FBXL20: variants seen among roughly 807,000 people sequenced by gnomAD.
FBXL20 encodes the protein F-box/LRR-repeat protein 20.
FBXL20 carries 11 observed loss-of-function variants against 64.0 expected under a neutral mutation model. The ratio of observed to expected loss-of-function variants is 0.17; its 90% confidence interval spans 0.11 to 0.28. FBXL20 has a LOEUF of 0.28. Ranked by LOEUF, FBXL20 falls within the 10% of genes least tolerant of loss-of-function variation. FBXL20 has a pLI of 1.00. For missense variants in FBXL20, 303 were observed against 526.2 expected (o/e 0.58, Z 4.15); for synonymous variants, 184 against 189.0 (o/e 0.97, Z 0.22).
At chr17:39,285,617 G>T in intron 6 of FBXL20, 44 bp from the exon 7 acceptor site, 1 of 1,292,292 alleles carries the variant, frequency 7.7e-7, no homozygotes, top group Non-Finnish European at 1.1e-6. Flanking sequence ...AACAAGACAA[G>T]TACACATCCT....
rs143548522 is a variant in FBXL20, at chr17:39,300,826, A to C, written c.234+175T>G. Among the ~76,000 whole-genome samples, 150 of 152,332 alleles carry C rather than the reference A, an allele frequency of 9.8e-4. 1 individual carries two copies. Among genetic ancestry groups the C allele is most frequent in the African/African-American group, 3.4e-3 (142 of 41,570 alleles). Reference sequence around the variant, plus strand: ...TTATTTCAGTGAAATAATCTGGCTCATTCTCAAAAACTGCAGAAACCCTTG... The same window carrying C: ...TTATTTCAGTGAAATAATCTGGCTCCTTCTCAAAAACTGCAGAAACCCTTG... On this transcript the variant is annotated intron_variant, in intron 4 of 14. Transcript: ENST00000264658.
At chr17:39,336,242 C>G (rs1458971466) in intron 2 of FBXL20, among the ~76,000 whole-genome samples, 1 of 152,146 alleles carries the variant, frequency 6.6e-6, no homozygotes, top group African/African-American at 2.4e-5. Flanking sequence ...CCTAACAACA[C>G]AATTGTTTTT....
At chr17:39,386,922 C>CA (rs2048086900) in intron 1 of FBXL20, among the ~76,000 whole-genome samples, 1 of 152,136 alleles carries the variant, frequency 6.6e-6, no homozygotes, top group Admixed American at 6.6e-5. Flanking sequence ...TAATACTGAC[C>CA]AAACATCAGC....
At chr17:39,380,112 G>T (rs925648529) in intron 1 of FBXL20, among the ~76,000 whole-genome samples, 1 of 151,986 alleles carries the variant, frequency 6.6e-6, no homozygotes, top group Admixed American at 6.6e-5. Context: ...CTCATTTATT[G>T]CAAGAGCTAA....
intron 1 of FBXL20, among the ~76,000 whole-genome samples, chr17:39,377,511 T>C (rs1404387096): frequency 1.3e-5 from 2 of 151,450 alleles, no homozygotes; most frequent in African/African-American, 4.9e-5. Context: ...TTGTTGTTTT[T>C]TTTTTTTGAG....
chr17:39,336,050 A>T (rs1256693985), intron 2 of FBXL20, among the ~76,000 whole-genome samples: 1 of 148,744 alleles, frequency 6.7e-6, no homozygotes. Context: ...TAGGCCCAGG[A>T]GTTTGGGACT....
At chr17:39,375,843 G>C (rs1418342760) in intron 1 of FBXL20, among the ~76,000 whole-genome samples, 1 of 152,158 alleles carries the variant, frequency 6.6e-6, no homozygotes, top group Non-Finnish European at 1.5e-5. Flanking sequence ...TCCGTGGCTG[G>C]GCGTGGTGGC....
At chr17:39,344,789 CAATAAA>C (rs961025349) in intron 1 of FBXL20, among the ~76,000 whole-genome samples, 28 of 152,034 alleles carry the variant, frequency 1.8e-4, no homozygotes, top group African/African-American at 6.8e-4. Flanking sequence ...TACTCTATCT[CAATAAA>C]AATAAAAATT....
intron 5 of FBXL20, 32 bp downstream of exon 5, chr17:39,298,958 T>C (rs2047110520): frequency 6.4e-7 from 1 of 1,553,170 alleles, no homozygotes; most frequent in East Asian, 2.2e-5. Flanking sequence ...TTCACTTCCA[T>C]CAAGAAGATT....
At chr17:39,283,155 G>T (rs191527282) in intron 7 of FBXL20, among the ~76,000 whole-genome samples, 137 of 152,178 alleles carry the variant, frequency 9.0e-4, no homozygotes, top group African/African-American at 3.1e-3. Flanking sequence ...GACAAAAAAT[G>T]GAAATTAAGT....
intron 3 of FBXL20, 66 bp from the exon 4 acceptor site, chr17:39,301,141 C>CA: frequency 6.9e-7 from 1 of 1,455,988 alleles, no homozygotes; most frequent in Non-Finnish European, 9.5e-7. Context: ...CAGCAATATT[C>CA]AAGTTCACAA....
At chr17:39,301,133 G>C in intron 3 of FBXL20, 58 bp from the exon 4 acceptor site, 1 of 1,509,810 alleles carries the variant, frequency 6.6e-7, no homozygotes, top group Non-Finnish European at 9.1e-7. Flanking sequence ...GGAAAAGGCA[G>C]CAATATTCAA....
intron 1 of FBXL20, among the ~76,000 whole-genome samples, chr17:39,358,949 G>A (rs2047767856): frequency 6.6e-6 from 1 of 152,152 alleles, no homozygotes. Flanking sequence ...ATAAGCACAT[G>A]AAAAGATGCT....
chr17:39,253,727 A>C lies in FBXL20; in HGVS notation c.*7733T>G, dbSNP rs2046670497. On this transcript the variant is annotated 3_prime_UTR_variant, in exon 15 of 15. Transcript: ENST00000264658. ...AACAGTCATCAGAGAAGCACAGATA[A>C]ATTATTCTTAAGGGCAGGAAAAAAC... 2 of 152,348 alleles carry C rather than the reference A, an allele frequency of 1.3e-5. No homozygotes were observed. The highest frequency in any genetic ancestry group is 4.8e-5 in the African/African-American group (2 of 41,462). The allele number at this position is 152,348 out of a possible 1,614,324, so 9.4% of individuals were successfully genotyped here.
intron 4 of FBXL20, 39 bp downstream of exon 4, chr17:39,300,962 C>T: frequency 1.3e-6 from 2 of 1,574,848 alleles, no homozygotes; most frequent in African/African-American, 2.7e-5. Context: ...GCTGTAATTA[C>T]TAACATGAAA....
chr17:39,325,484 T>G (rs997430060), intron 2 of FBXL20, among the ~76,000 whole-genome samples: 1 of 152,084 alleles, frequency 6.6e-6, no homozygotes, highest in Non-Finnish European at 1.5e-5. Flanking sequence ...CCTGAATGTA[T>G]TGGAAAGTGA....
intron 2 of FBXL20, among the ~76,000 whole-genome samples, chr17:39,318,671 C>T (rs1052445781): frequency 2.0e-5 from 3 of 151,438 alleles, no homozygotes; most frequent in Admixed American, 6.6e-5. Flanking sequence ...ACCAGGGAGG[C>T]GAAGGTTTCA....
intron 11 of FBXL20, among the ~76,000 whole-genome samples, chr17:39,270,013 C>T (rs369627417): frequency 8.5e-5 from 13 of 152,300 alleles, no homozygotes; most frequent in East Asian, 5.8e-4. Context: ...TACCATAACA[C>T]TGGTCAAAGT....
chr17:39,308,588 G>A (rs1400807611), intron 2 of FBXL20, among the ~76,000 whole-genome samples: 10 of 147,294 alleles, frequency 6.8e-5, no homozygotes, highest in East Asian at 3.9e-4. Flanking sequence ...TTTTTGAGAC[G>A]GAGTCTTGCT....
Sources: gnomAD v4.1 joint callset for allele counts (sites outside exome capture counted in the v4.1 genomes callset) on GRCh38, gnomAD v4.1.1 for gene constraint, MANE v1.5 for transcripts, NCBI Gene and HGNC (gene_info 2026-07-23, HGNC 2026-07-21) for gene names.